The following ARID2 variants were observed in gnomAD, a reference collection of about 807,000 sequenced individuals.
ARID2 encodes the protein AT-rich interaction domain 2, also known as AT-rich interactive domain-containing protein 2.
ARID2 carries 32 observed loss-of-function variants against 184.6 expected under a neutral mutation model. That is an observed-to-expected ratio of 0.17 (90% CI 0.13 to 0.23). The LOEUF (loss-of-function observed/expected upper bound fraction) is 0.23. Among genes scored for constraint, ARID2 ranks in the 10% least tolerant of loss-of-function variants. The probability of loss-of-function intolerance (pLI) is 1.00; values close to 1 mark genes in which losing one functional copy is unlikely to be tolerated. For missense variants in ARID2, 1,696 were observed against 2,197.6 expected, an observed-to-expected ratio of 0.77 and a Z score of 4.56; for synonymous variants, 836 against 772.6, an observed-to-expected ratio of 1.08 and a Z score of -1.36.
intron 3 of ARID2, chr12:45,789,354 A>G (rs1247740285): frequency 6.6e-6 from 1 of 152,160 alleles, no homozygotes; most frequent in East Asian, 1.9e-4. Context: ...CTACTGGGGC[A>G]ATATTTCTTT....
chr12:45,821,227 A>G (rs1482576358), intron 5 of ARID2, among the ~76,000 whole-genome samples, 193 bp from the exon 6 acceptor site: 1 of 152,126 alleles, frequency 6.6e-6, no homozygotes, highest in East Asian at 1.9e-4. Context: ...TAGGAACACA[A>G]ATTTTCTTTA....
At chr12:45,800,561 T>C (rs1206279221) in intron 3 of ARID2, among the ~76,000 whole-genome samples, 1 of 152,156 alleles carries the variant, frequency 6.6e-6, no homozygotes, top group East Asian at 1.9e-4. Context: ...TTTTGTATAA[T>C]GGAAGGTCCT....
intron 10 of ARID2, among the ~76,000 whole-genome samples, chr12:45,838,730 A>G (rs1311958013): frequency 6.6e-6 from 1 of 151,824 alleles, no homozygotes; most frequent in Non-Finnish European, 1.5e-5. Flanking sequence ...TCGTGCCAGC[A>G]CTCCAGCCTG....
At chr12:45,737,794 C>G (rs1471594064) in intron 3 of ARID2, among the ~76,000 whole-genome samples, 1 of 152,094 alleles carries the variant, frequency 6.6e-6, no homozygotes, top group Non-Finnish European at 1.5e-5. Context: ...ACATATTGGT[C>G]AGGGTTACAT....
At position 45,808,898 on chromosome 12, in the gene ARID2, G is replaced by A. The variant is rs150661678; in HGVS notation, c.285-2520G>A. Among the ~76,000 whole-genome samples the A allele has an allele frequency of 5.5e-4, 84 of 152,262 alleles. No individual in the cohort carries two copies. In the Middle Eastern group the frequency reaches 0.014, roughly 25 times the overall value. On this transcript the variant is annotated intron_variant, in intron 3 of 20. Coordinates refer to ENST00000334344, the MANE Select transcript of ARID2 (RefSeq NM_152641.4). ...TTGTACTTCAGCCACCTGAGTAGCT[G>A]GGATTACAGGCGTGCGCCACCACAT... is the stretch of plus-strand genomic sequence containing the variant.
chr12:45,895,151 GT>G (rs1294148162), intron 20 of ARID2, among the ~76,000 whole-genome samples: 1 of 152,108 alleles, frequency 6.6e-6, no homozygotes, highest in Non-Finnish European at 1.5e-5. Context: ...TTTTGAAAAT[GT>G]TTTTTTATGT....
intron 20 of ARID2, 66 bp downstream of exon 20, chr12:45,893,787 A>G: frequency 7.9e-7 from 1 of 1,264,770 alleles, no homozygotes; most frequent in Non-Finnish European, 1.1e-6. Context: ...ATAAGTTAAT[A>G]AAATTAGATA....
intron 16 of ARID2, among the ~76,000 whole-genome samples, chr12:45,877,367 C>T (rs925677050): frequency 3.3e-5 from 5 of 151,870 alleles, no homozygotes; most frequent in East Asian, 1.9e-4. Context: ...ACTGTGCATG[C>T]GAGGGATCTA....
intron 16 of ARID2, among the ~76,000 whole-genome samples, chr12:45,890,334 A>T (rs1204259110): frequency 1.3e-5 from 2 of 152,238 alleles, no homozygotes; most frequent in Non-Finnish European, 2.9e-5. Flanking sequence ...TATGTATTGA[A>T]AAATAGTTTA....
intron 3 of ARID2, among the ~76,000 whole-genome samples, chr12:45,773,018 G>T (rs755430859): frequency 5.3e-5 from 8 of 152,160 alleles, no homozygotes; most frequent in Middle Eastern, 3.4e-3. Context: ...CACTGTAAAA[G>T]AAACCTTATT....
intron 3 of ARID2, among the ~76,000 whole-genome samples, chr12:45,800,774 G>A (rs1337064188): frequency 2.0e-5 from 3 of 151,938 alleles, no homozygotes; most frequent in African/African-American, 7.3e-5. Flanking sequence ...AAATGATAAG[G>A]ACACATCAAA....
At chr12:45,790,592 A>G (rs941663159) in intron 3 of ARID2, among the ~76,000 whole-genome samples, 1 of 152,212 alleles carries the variant, frequency 6.6e-6, no homozygotes, top group African/African-American at 2.4e-5. Context: ...TGTTATATGT[A>G]GAAATATAAC....
chr12:45,811,111 A>G (rs965734316), intron 3 of ARID2, among the ~76,000 whole-genome samples: 73 of 151,810 alleles, frequency 4.8e-4, no homozygotes, highest in African/African-American at 1.7e-3. Context: ...TGGGAGGCTG[A>G]GGCAGGAGAA....
chr12:45,837,225 G>A (rs2138129633), intron 8 of ARID2, 96 bp from the exon 9 acceptor site: 1 of 1,197,952 alleles, frequency 8.3e-7, no homozygotes, highest in East Asian at 2.4e-5. Flanking sequence ...TTAACGTTAT[G>A]CAACATTGTC....
At position 45,821,468 on chromosome 12, in the gene ARID2, C is replaced by A; in HGVS notation, c.686C>A (p.Thr229Asn). 1.3e-6 allele frequency: 2 copies of A among 1,509,064 alleles called. No individual in the cohort carries two copies. The highest frequency in any genetic ancestry group is 1.8e-6 in the Non-Finnish European group (2 of 1,134,896). 93.5% of individuals were successfully genotyped at this position (1,509,064 alleles called of 1,614,324 possible). Residue 229 changes from threonine to asparagine, a missense_variant, in exon 6 of 21, where the codon ACT becomes AAT. Thr to Asn is a moderately conservative substitution (Grantham distance 65). This residue lies in a region of ARID2 where 148 missense variants were observed against 285.4 expected (regional missense o/e 0.52). Transcript: ENST00000334344. ...TVFGEEWKEK[T>N]DRDFVKFWKD... ...TTTGGAGAAGAATGGAAAGAGAAGA[C>A]TGATAGAGACTTCGTTAAGGTAAAT...
chr12:45,736,384 T>A (rs1432098574), intron 3 of ARID2, among the ~76,000 whole-genome samples: 2 of 151,632 alleles, frequency 1.3e-5, no homozygotes, highest in East Asian at 3.9e-4. Flanking sequence ...ATATTGCTAC[T>A]AGATATTTTA....
intron 20 of ARID2, chr12:45,904,488 C>G (rs1316388138): frequency 1.9e-5 from 10 of 536,866 alleles, no homozygotes; most frequent in Admixed American, 3.4e-5. Flanking sequence ...GTCAAGAGAT[C>G]GAGACCGTCC....
intron 5 of ARID2, among the ~76,000 whole-genome samples, chr12:45,819,760 A>G (rs1397583257): frequency 3.6e-4 from 53 of 148,324 alleles, no homozygotes; most frequent in South Asian, 3.0e-3. Context: ...TTTTTTTTTT[A>G]AGAGACAGAA....
chr12:45,903,770 CT>C (rs1944486861), intron 20 of ARID2, among the ~76,000 whole-genome samples: 1 of 151,990 alleles, frequency 6.6e-6, no homozygotes, highest in Non-Finnish European at 1.5e-5. Context: ...TTCATCTTCT[CT>C]TTTTTTCTCC....
Sources: allele counts gnomAD v4.1 joint callset (sites outside exome capture counted in the v4.1 genomes callset), GRCh38; gene constraint gnomAD v4.1.1; regional missense constraint gnomAD v4.1.1; transcripts MANE v1.5; gene names NCBI Gene and HGNC (gene_info 2026-07-23, HGNC 2026-07-21).